The following PCCA variants were observed in gnomAD, a reference collection of about 807,000 sequenced individuals.
PCCA encodes the protein propionyl-CoA carboxylase subunit alpha, also known as propionyl-CoA carboxylase alpha chain, mitochondrial.
Under a neutral mutation model 101.3 loss-of-function variants are expected in PCCA, and 74 were observed. The observed-to-expected ratio is 0.73, with a 90% CI of 0.61 to 0.89. PCCA has a LOEUF of 0.89. Among genes scored for constraint, PCCA ranks in the 40% least tolerant of loss-of-function variants. The pLI is 0.00. For missense variants in PCCA, 891 were observed against 907.0 expected (o/e 0.98, Z 0.23); for synonymous variants, 294 against 313.6 (o/e 0.94, Z 0.66).
chr13:100,474,882 A>G (rs968850086), intron 21 of PCCA, among the ~76,000 whole-genome samples: 1 of 152,212 alleles, frequency 6.6e-6, no homozygotes, highest in African/African-American at 2.4e-5. Flanking sequence ...TTATTGAGAT[A>G]CAATTAACGT....
intron 19 of PCCA, among the ~76,000 whole-genome samples, chr13:100,407,010 A>G (rs1015879676): frequency 2.6e-5 from 4 of 151,970 alleles, no homozygotes; most frequent in African/African-American, 4.8e-5. Context: ...AAACAAGACA[A>G]CAATTGCTGT....
chr13:100,403,489 G>A (rs146203066), intron 19 of PCCA, among the ~76,000 whole-genome samples: 91 of 152,224 alleles, frequency 6.0e-4, no homozygotes, highest in Non-Finnish European at 8.2e-4. Context: ...AGAGGAGCAG[G>A]TGCATCACAT....
chr13:100,503,237 T>C (rs1332472957), intron 21 of PCCA, among the ~76,000 whole-genome samples: 1 of 152,218 alleles, frequency 6.6e-6, no homozygotes, highest in Non-Finnish European at 1.5e-5. Flanking sequence ...ACGCCTGTAA[T>C]CCCAACACTT....
chr13:100,412,592 G>A (rs2078121242), intron 19 of PCCA, among the ~76,000 whole-genome samples: 3 of 152,262 alleles, frequency 2.0e-5, no homozygotes, highest in South Asian at 4.1e-4. Flanking sequence ...TCATGGCGGT[G>A]GCTTACAGCT....
chr13:100,328,240 G>A (rs2068940335), intron 16 of PCCA, among the ~76,000 whole-genome samples: 2 of 152,038 alleles, frequency 1.3e-5, no homozygotes, highest in Admixed American at 1.3e-4. Context: ...GCGTGTTCCT[G>A]TAATCCCAGC....
At chr13:100,393,926 A>T (rs1424556200) in intron 19 of PCCA, among the ~76,000 whole-genome samples, 1 of 152,194 alleles carries the variant, frequency 6.6e-6, no homozygotes, top group Non-Finnish European at 1.5e-5. Context: ...GCTGGAAAGA[A>T]ATTTCAGATA....
intron 19 of PCCA, among the ~76,000 whole-genome samples, chr13:100,400,651 A>C (rs543685201): frequency 4.5e-4 from 21 of 47,078 alleles, no homozygotes; most frequent in Non-Finnish European, 7.6e-5. Context: ...TTTTTTTGAG[A>C]GTTTTGCTCT....
intron 17 of PCCA, among the ~76,000 whole-genome samples, chr13:100,336,042 C>T (rs988480094): frequency 3.9e-5 from 6 of 152,124 alleles, no homozygotes; most frequent in South Asian, 2.1e-4. Context: ...TGGGGCGGAT[C>T]GCCTGAAGTC....
chr13:100,321,799 A>G (rs1459727075), intron 16 of PCCA, among the ~76,000 whole-genome samples: 2 of 152,138 alleles, frequency 1.3e-5, no homozygotes, highest in Non-Finnish European at 1.5e-5. Context: ...TGATAAATTG[A>G]GAATTGGCCT....
chr13:100,157,986 G>A (rs965502314), intron 6 of PCCA, among the ~76,000 whole-genome samples: 2 of 152,162 alleles, frequency 1.3e-5, no homozygotes, highest in Admixed American at 6.5e-5. Flanking sequence ...GCTTAACAGC[G>A]TGAATACATT....
intron 11 of PCCA, among the ~76,000 whole-genome samples, chr13:100,272,060 TAGA>T (rs1387410063): frequency 6.6e-6 from 1 of 152,260 alleles, no homozygotes; most frequent in Non-Finnish European, 1.5e-5. Context: ...CTTTCTTTCA[TAGA>T]AGCAAAATCT....
At chr13:100,513,658 T>C (rs1404700502) in intron 21 of PCCA, among the ~76,000 whole-genome samples, 2 of 152,140 alleles carry the variant, frequency 1.3e-5, no homozygotes, top group African/African-American at 4.8e-5. Flanking sequence ...TGTGGGGAAA[T>C]GTGGTAAATC....
chr13:100,473,782 T>C (rs977347168), intron 21 of PCCA, among the ~76,000 whole-genome samples: 6 of 152,258 alleles, frequency 3.9e-5, no homozygotes, highest in Admixed American at 2.0e-4. Flanking sequence ...ATGCAACTTA[T>C]TATCATCATT....
intron 18 of PCCA, among the ~76,000 whole-genome samples, chr13:100,368,177 G>A (rs946527944): frequency 1.3e-5 from 2 of 151,740 alleles, no homozygotes; most frequent in African/African-American, 4.8e-5. Flanking sequence ...GAAGTTTAAG[G>A]CATGGCATAC....
At chr13:100,509,826 T>TTTTTG (rs60985069) in intron 21 of PCCA, among the ~76,000 whole-genome samples, 16,984 of 149,450 alleles carry the variant, frequency 0.11, 1,096 homozygotes, top group East Asian at 0.28. Context: ...TTTTGTGTTT[T>TTTTTG]TTTTGTTTTG....
At chr13:100,512,476 A>T (rs1336287344) in intron 21 of PCCA, among the ~76,000 whole-genome samples, 1 of 152,174 alleles carries the variant, frequency 6.6e-6, no homozygotes, top group Non-Finnish European at 1.5e-5. Context: ...GCTGTTTTTC[A>T]AGAACATTTT....
At chr13:100,173,332 G>A (rs1225479739) in intron 6 of PCCA, among the ~76,000 whole-genome samples, 1 of 152,144 alleles carries the variant, frequency 6.6e-6, no homozygotes, top group African/African-American at 2.4e-5. Context: ...TACATGCTCT[G>A]GCTGGGATGG....
intron 7 of PCCA, among the ~76,000 whole-genome samples, chr13:100,215,503 A>G (rs998435973): frequency 5.3e-5 from 8 of 152,226 alleles, no homozygotes; most frequent in African/African-American, 1.9e-4. Flanking sequence ...CTTCATATCT[A>G]CAAGGGATTG....
chr13:100,185,490 C>T (rs2057174718), intron 6 of PCCA, among the ~76,000 whole-genome samples: 1 of 152,056 alleles, frequency 6.6e-6, no homozygotes, highest in African/African-American at 2.4e-5. Flanking sequence ...GCTGGGACCA[C>T]AGGCACAAGC....
Sources: allele counts gnomAD v4.1 joint callset (sites outside exome capture counted in the v4.1 genomes callset), GRCh38; gene constraint gnomAD v4.1.1; transcripts MANE v1.5; gene names NCBI Gene and HGNC (gene_info 2026-07-23, HGNC 2026-07-21).